CDH12: variants seen among roughly 807,000 people sequenced by gnomAD.
CDH12 encodes the protein cadherin 12.
A neutral mutation model predicts 74.1 loss-of-function variants in CDH12; 41 were observed. That is an observed-to-expected ratio of 0.55 (90% CI 0.43 to 0.72). The LOEUF (loss-of-function observed/expected upper bound fraction) is 0.72, where lower values mean the gene tolerates loss of function less well. Ranked by LOEUF, CDH12 falls within the 30% of genes least tolerant of loss-of-function variation. The pLI, the probability that CDH12 is intolerant of heterozygous loss-of-function variation, is 0.00. For synonymous variants in CDH12, 399 were observed against 355.0 expected (o/e 1.12, Z -1.39); for missense variants, 945 against 977.2 (o/e 0.97, Z 0.44).
At chr5:21,964,379 C>T (rs1033976186) in intron 6 of CDH12, among the ~76,000 whole-genome samples, 1 of 151,970 alleles carries the variant, frequency 6.6e-6, no homozygotes, top group Non-Finnish European at 1.5e-5. Flanking sequence ...AACACTTCCC[C>T]ATCCTTCTTA....
intron 4 of CDH12, among the ~76,000 whole-genome samples, chr5:22,132,751 A>G (rs2150288886): frequency 6.6e-6 from 1 of 152,174 alleles, no homozygotes; most frequent in East Asian, 1.9e-4. Flanking sequence ...AAAAAGAGAG[A>G]CCACTGAAGG....
intron 1 of CDH12, among the ~76,000 whole-genome samples, chr5:22,709,974 A>T (rs149140121): frequency 1.5e-3 from 234 of 152,336 alleles, no homozygotes; most frequent in African/African-American, 5.3e-3. Context: ...GTTACCTTAG[A>T]CCATGAAGAT....
chr5:22,186,482 G>T (rs1001929846), intron 4 of CDH12, among the ~76,000 whole-genome samples: 3 of 152,118 alleles, frequency 2.0e-5, no homozygotes, highest in African/African-American at 7.2e-5. Flanking sequence ...TTTTTTGTTT[G>T]TTTTTTGAGA....
intron 3 of CDH12, among the ~76,000 whole-genome samples, chr5:22,248,336 T>A (rs1242013887): frequency 6.6e-6 from 1 of 151,952 alleles, no homozygotes; most frequent in African/African-American, 2.4e-5. Flanking sequence ...TAATAACAAA[T>A]CACATTTTCC....
At chr5:22,064,277 G>C (rs1434363632) in intron 5 of CDH12, among the ~76,000 whole-genome samples, 1 of 152,072 alleles carries the variant, frequency 6.6e-6, no homozygotes, top group Non-Finnish European at 1.5e-5. Flanking sequence ...GGTATCTCTG[G>C]GGATACTAGA....
At chr5:22,274,584 C>A (rs1018245342) in intron 3 of CDH12, among the ~76,000 whole-genome samples, 9 of 151,888 alleles carry the variant, frequency 5.9e-5, no homozygotes, top group African/African-American at 2.2e-4. Flanking sequence ...TTTGAAGTTA[C>A]TATTTTCAGT....
At chr5:22,733,749 G>C (rs1302472943) in intron 1 of CDH12, among the ~76,000 whole-genome samples, 1 of 151,848 alleles carries the variant, frequency 6.6e-6, no homozygotes, top group Non-Finnish European at 1.5e-5. Flanking sequence ...AAGTGAGGGG[G>C]GTTCCTTCCT....
At chr5:21,875,685 A>G (rs1385843049) in intron 6 of CDH12, among the ~76,000 whole-genome samples, 1 of 28,416 alleles carries the variant, frequency 3.5e-5, no homozygotes, top group African/African-American at 1.3e-4. Context: ...ACTGGACACA[A>G]ACTTCACTCA....
At chr5:21,907,735 GA>G (rs1247428409) in intron 6 of CDH12, among the ~76,000 whole-genome samples, 2 of 152,120 alleles carry the variant, frequency 1.3e-5, no homozygotes, top group Non-Finnish European at 2.9e-5. Flanking sequence ...ACCTGGCTTG[GA>G]ATTTCATTTT....
At chr5:22,757,601 C>T (rs1417268384) in intron 1 of CDH12, among the ~76,000 whole-genome samples, 1 of 152,150 alleles carries the variant, frequency 6.6e-6, no homozygotes, top group Non-Finnish European at 1.5e-5. Flanking sequence ...TACATGGATA[C>T]TTAACAATAC....
chr5:22,107,414 A>G (rs906096235), intron 4 of CDH12, among the ~76,000 whole-genome samples: 6 of 149,616 alleles, frequency 4.0e-5, no homozygotes, highest in Non-Finnish European at 5.9e-5. Context: ...TACAGGCGTG[A>G]GCCACCGTGC....
chr5:22,430,429 T>C (rs1024267174), intron 2 of CDH12, among the ~76,000 whole-genome samples: 9 of 152,154 alleles, frequency 5.9e-5, no homozygotes, highest in African/African-American at 2.2e-4. Context: ...TGGTTTTTGG[T>C]AAATTTGTTT....
At chr5:22,835,490 C>A (rs1736781023) in intron 1 of CDH12, among the ~76,000 whole-genome samples, 1 of 151,956 alleles carries the variant, frequency 6.6e-6, no homozygotes, top group Non-Finnish European at 1.5e-5. Flanking sequence ...AGTAAATATT[C>A]ATTTTTATTC....
chr5:22,677,203 A>G (rs1741240337), intron 1 of CDH12, among the ~76,000 whole-genome samples: 1 of 152,082 alleles, frequency 6.6e-6, no homozygotes. Context: ...GCCTGAACCA[A>G]AAGTTCACAC....
At chr5:21,994,658 G>A (rs1169484439) in intron 5 of CDH12, among the ~76,000 whole-genome samples, 4 of 152,228 alleles carry the variant, frequency 2.6e-5, no homozygotes, top group Admixed American at 6.5e-5. Context: ...TTATACAGTT[G>A]GAAACAACTC....
chr5:22,539,433 C>CAA (rs1430999599), intron 1 of CDH12, among the ~76,000 whole-genome samples: 2 of 152,132 alleles, frequency 1.3e-5, no homozygotes, highest in East Asian at 3.9e-4. Context: ...CATTTCTGCA[C>CAA]ATATTACCAG....
intron 3 of CDH12, chr5:22,277,977 G>A (rs972963222): frequency 1.3e-5 from 2 of 152,280 alleles, no homozygotes; most frequent in African/African-American, 4.8e-5. Flanking sequence ...GAATGACCTT[G>A]TGGAAAAAGG....
At chr5:22,234,135 A>T (rs1002609712) in intron 3 of CDH12, among the ~76,000 whole-genome samples, 4 of 152,216 alleles carry the variant, frequency 2.6e-5, no homozygotes, top group Non-Finnish European at 4.4e-5. Flanking sequence ...ATATCTTTTT[A>T]AATATCACTT....
At chr5:21,760,745 G>A in intron 12 of CDH12, 70 bp from the exon 13 acceptor site, 3 of 894,712 alleles carry the variant, frequency 3.4e-6, no homozygotes, top group Non-Finnish European at 5.6e-6. Flanking sequence ...GCTACTAAAT[G>A]TATTTAATGA....
Sources: gnomAD v4.1 joint callset for allele counts (sites outside exome capture counted in the v4.1 genomes callset) on GRCh38, gnomAD v4.1.1 for gene constraint, MANE v1.5 for transcripts, NCBI Gene and HGNC (gene_info 2026-07-23, HGNC 2026-07-21) for gene names.